The following SPATA6 variants were observed in gnomAD, a reference collection of about 807,000 sequenced individuals.
SPATA6 encodes the protein spermatogenesis associated 6.
In SPATA6, 56 loss-of-function variants were observed where a neutral mutation model predicts 65.3. The observed-to-expected ratio is 0.86, with a 90% confidence interval of 0.69 to 1.07. The LOEUF (loss-of-function observed/expected upper bound fraction) is 1.07, where lower values mean the gene tolerates loss of function less well. Ranked by LOEUF, SPATA6 falls within the 50% of genes least tolerant of loss-of-function variation. The pLI, the probability that SPATA6 is intolerant of heterozygous loss-of-function variation, is 0.00. For missense variants in SPATA6, 590 were observed against 594.8 expected, an observed-to-expected ratio of 0.99 and a Z score of 0.08; for synonymous variants, 199 against 213.2, an observed-to-expected ratio of 0.93 and a Z score of 0.58.
At chr1:48,303,996 C>T (rs1383112988) in intron 12 of SPATA6, among the ~76,000 whole-genome samples, 1 of 152,158 alleles carries the variant, frequency 6.6e-6, no homozygotes, top group Non-Finnish European at 1.5e-5. Context: ...GTCAAGACTG[C>T]AAACTCTCTC....
At chr1:48,415,806 C>T (rs967850740) in intron 3 of SPATA6, among the ~76,000 whole-genome samples, 3 of 151,164 alleles carry the variant, frequency 2.0e-5, no homozygotes, top group African/African-American at 7.3e-5. Context: ...ATATCAGATG[C>T]CAAACCAAAA....
intron 11 of SPATA6, among the ~76,000 whole-genome samples, chr1:48,317,640 C>T (rs1393031457): frequency 3.3e-5 from 5 of 151,904 alleles, no homozygotes; most frequent in East Asian, 1.9e-4. Context: ...AACAAACCTG[C>T]ACGTTGTGCA....
chr1:48,412,836 C>T (rs1265843727), intron 4 of SPATA6, among the ~76,000 whole-genome samples: 1 of 152,088 alleles, frequency 6.6e-6, no homozygotes, highest in East Asian at 1.9e-4. Context: ...TCAGGCTAGT[C>T]TTGAACTCCT....
At chr1:48,323,789 C>A (rs866935409) in intron 11 of SPATA6, among the ~76,000 whole-genome samples, 1 of 151,972 alleles carries the variant, frequency 6.6e-6, no homozygotes, top group African/African-American at 2.4e-5. Context: ...GTAAAACTTA[C>A]CAAGATTGAA....
intron 3 of SPATA6, among the ~76,000 whole-genome samples, chr1:48,439,738 G>C (rs912985681): frequency 2.0e-5 from 3 of 152,018 alleles, no homozygotes; most frequent in African/African-American, 7.2e-5. Context: ...TAAGCCATTG[G>C]GACAGGCATT....
At chr1:48,314,250 A>T (rs1429279232) in intron 11 of SPATA6, among the ~76,000 whole-genome samples, 1 of 152,214 alleles carries the variant, frequency 6.6e-6, no homozygotes, top group Non-Finnish European at 1.5e-5. Flanking sequence ...TCTTTTCAGC[A>T]CCACACCACA....
At chr1:48,428,824 T>C (rs1009784726) in intron 3 of SPATA6, among the ~76,000 whole-genome samples, 8 of 141,730 alleles carry the variant, frequency 5.6e-5, no homozygotes, top group Non-Finnish European at 1.3e-4. Context: ...TGTATATATA[T>C]GTGTGTATAT....
In SPATA6 at chr1:48,450,158, T is replaced by A. The variant is rs150736870; in HGVS notation, c.238+1394A>T. Among the ~76,000 whole-genome samples the A allele has an allele frequency of 5.3e-3, 805 of 151,982 alleles. 21 individuals carry two copies. The highest frequency in any genetic ancestry group is 0.05 in the South Asian group (241 of 4,812). On this transcript the variant is annotated intron_variant, in intron 3 of 12. Transcript: ENST00000371847. Reference sequence around the variant, plus strand: ...GACTAACATGGAAGTAATTGGAGGATAGGTAATACATGAAGCCAAGTCTTT... The same window carrying A: ...GACTAACATGGAAGTAATTGGAGGAAAGGTAATACATGAAGCCAAGTCTTT...
At chr1:48,278,070 AGC>A in the SPATA6 span, among the ~76,000 whole-genome samples, 1 of 152,210 alleles carries the variant, frequency 6.6e-6, no homozygotes. Flanking sequence ...CCAGGCAAAC[AGC>A]GTCTGGAGTG....
chr1:48,396,130 G>A (rs1650565301), intron 7 of SPATA6, among the ~76,000 whole-genome samples: 1 of 151,802 alleles, frequency 6.6e-6, no homozygotes, highest in East Asian at 1.9e-4. Flanking sequence ...AATCATTAAG[G>A]AGACAGAAAT....
chr1:48,379,870 T>A (rs1648353632), intron 9 of SPATA6, among the ~76,000 whole-genome samples: 1 of 152,180 alleles, frequency 6.6e-6, no homozygotes, highest in African/African-American at 2.4e-5. Flanking sequence ...CCATGATAAA[T>A]GAAATTGCAG....
At chr1:48,444,411 T>C (rs1377865964) in intron 3 of SPATA6, among the ~76,000 whole-genome samples, 2 of 151,960 alleles carry the variant, frequency 1.3e-5, no homozygotes, top group Non-Finnish European at 2.9e-5. Flanking sequence ...ATCAGCACTC[T>C]GTAAAAACGC....
chr1:48,314,354 G>C (rs1044239844), intron 11 of SPATA6, among the ~76,000 whole-genome samples: 9 of 152,078 alleles, frequency 5.9e-5, no homozygotes, highest in Admixed American at 1.3e-4. Context: ...TCAGACCACA[G>C]TGCAATCAAA....
intron 5 of SPATA6, among the ~76,000 whole-genome samples, chr1:48,406,128 C>G (rs1651679690): frequency 6.6e-6 from 1 of 152,042 alleles, no homozygotes; most frequent in Non-Finnish European, 1.5e-5. Flanking sequence ...AGGACAATCA[C>G]TATAGACATT....
chr1:48,410,038 T>G (rs1191798106), intron 5 of SPATA6, among the ~76,000 whole-genome samples: 1 of 152,236 alleles, frequency 6.6e-6, no homozygotes, highest in Non-Finnish European at 1.5e-5. Flanking sequence ...CTCAGAAAAT[T>G]GAATTTTCTT....
intron 1 of SPATA6, among the ~76,000 whole-genome samples, chr1:48,461,056 G>A (rs1169278139): frequency 1.3e-5 from 2 of 152,116 alleles, no homozygotes; most frequent in African/African-American, 4.8e-5. Flanking sequence ...CAGAAGGTAA[G>A]ACAGGAGAGA....
intron 3 of SPATA6, among the ~76,000 whole-genome samples, chr1:48,444,380 G>T (rs1423535650): frequency 1.3e-5 from 2 of 150,576 alleles, no homozygotes; most frequent in Non-Finnish European, 2.9e-5. Context: ...GCACCAATCA[G>T]CACTCTTTAA....
At chr1:48,311,544 G>T (rs143779452) in intron 11 of SPATA6, among the ~76,000 whole-genome samples, 2 of 152,114 alleles carry the variant, frequency 1.3e-5, no homozygotes, top group African/African-American at 4.8e-5. Flanking sequence ...AATAAAGAAA[G>T]AGAGTGAATT....
At chr1:48,300,273 G>A (rs6666372) in intron 12 of SPATA6, among the ~76,000 whole-genome samples, 60,719 of 151,840 alleles carry the variant, frequency 0.4, 12,815 homozygotes, top group African/African-American at 0.55. Flanking sequence ...CCTTCTTCAA[G>A]GTCAATGAAA....
Sources: gnomAD v4.1 joint callset for allele counts (sites outside exome capture counted in the v4.1 genomes callset) on GRCh38, gnomAD v4.1.1 for gene constraint, MANE v1.5 for transcripts, NCBI Gene and HGNC (gene_info 2026-07-23, HGNC 2026-07-21) for gene names.